The following CACNB4 variants were observed in gnomAD, a reference collection of about 807,000 sequenced individuals.
The protein encoded by CACNB4 is voltage-dependent L-type calcium channel subunit beta-4.
Under a neutral mutation model 71.2 loss-of-function variants are expected in CACNB4, and 32 were observed. That is an observed-to-expected ratio of 0.45 (90% confidence interval 0.34 to 0.60). The LOEUF (loss-of-function observed/expected upper bound fraction) is 0.60, where lower values mean the gene tolerates loss of function less well. Among genes scored for constraint, CACNB4 ranks in the 20% least tolerant of loss-of-function variants. The pLI, the probability that CACNB4 is intolerant of heterozygous loss-of-function variation, is 0.01. For synonymous variants in CACNB4, 231 were observed against 236.9 expected (o/e 0.97, Z 0.23); for missense variants, 464 against 647.9 (o/e 0.72, Z 3.08).
At position 151,839,095 on chromosome 2, in the gene CACNB4, T is replaced by C; in HGVS notation, c.*24A>G. On this transcript the variant is annotated 3_prime_UTR_variant, in exon 14 of 14. Transcript: ENST00000539935. ...ACTGCTATGGCAAATTGTCAACAGA[T>C]GAATATTTTTTGTTTCATTAGACTC... The C allele has an allele frequency of 1.3e-6, 2 of 1,596,268 alleles. No individual in the cohort carries two copies. Among genetic ancestry groups the C allele is most frequent in the East Asian group, 2.2e-5 (1 of 44,620 alleles).
intron 2 of CACNB4, among the ~76,000 whole-genome samples, chr2:151,891,048 G>A (rs1198795031): frequency 6.6e-6 from 1 of 152,092 alleles, no homozygotes; most frequent in African/African-American, 2.4e-5. Context: ...CTAAAGCACA[G>A]GCTTTGAATA....
At chr2:151,975,262 T>G (rs1222826059) in intron 2 of CACNB4, among the ~76,000 whole-genome samples, 1 of 152,126 alleles carries the variant, frequency 6.6e-6, no homozygotes, top group Non-Finnish European at 1.5e-5. Flanking sequence ...CCAGCCAGTA[T>G]CTCTGAAAAG....
Position 152,098,535 on chromosome 2 carries a change from C to G in CACNB4, c.64-122G>C. 1 of 1,364,808 alleles carries G rather than the reference C, an allele frequency of 7.3e-7. No homozygotes were observed. The highest frequency in any genetic ancestry group is 1.0e-6 in the Non-Finnish European group (1 of 965,872). 84.5% of individuals were successfully genotyped at this position (1,364,808 alleles called of 1,614,324 possible). A position where few individuals can be genotyped will look rare whatever the true frequency, so the allele number is the denominator to read the frequency against. ...CCCTGGGGTCCCCTAGAGCCCGCAC[C>G]CAAGTCTCCTCCGCGACTCCCAAAT... On this transcript the variant is annotated intron_variant, in intron 1 of 13. Transcript: ENST00000539935. The surrounding 1 kb of genome is among the most constrained non-coding windows in gnomAD (Gnocchi z 5.3).
intron 11 of CACNB4, chr2:151,855,013 G>T (rs958376811): frequency 2.6e-5 from 10 of 385,940 alleles, no homozygotes; most frequent in Admixed American, 2.1e-4. Context: ...GTCTTGTTTG[G>T]GATCTACAAT....
chr2:151,959,347 A>G lies in CACNB4; in HGVS notation c.148-75977T>C, dbSNP rs180751258. On this transcript the variant is annotated intron_variant, in intron 2 of 13. Transcript: ENST00000539935. ...TGGAAATTCAAATACCCTAAGAATC[A>G]GATGAATCACAGCTGACAAAATTCT... 7.8e-4 allele frequency among the ~76,000 whole-genome samples: 119 copies of G among 152,350 alleles called. 1 individual carries two copies. The highest frequency in any genetic ancestry group is 6.0e-3 in the East Asian group (31 of 5,194).
chr2:151,909,526 G>A (rs999248496), intron 2 of CACNB4, among the ~76,000 whole-genome samples: 15 of 151,598 alleles, frequency 9.9e-5, no homozygotes, highest in Non-Finnish European at 1.8e-4. Flanking sequence ...GTGCCATGGT[G>A]GTTTGCTGCA....
chr2:152,062,648 C>T lies in CACNB4; in HGVS notation c.147+35682G>A, dbSNP rs547009715. Among the ~76,000 whole-genome samples, 128 of 152,226 alleles carry T rather than the reference C, an allele frequency of 8.4e-4. 1 individual carries two copies. The highest frequency in any genetic ancestry group is 2.9e-3 in the African/African-American group (122 of 41,534). On this transcript the variant is annotated intron_variant, in intron 2 of 13. Transcript: ENST00000539935. The stretch of plus-strand genomic sequence containing the variant: ...AAGCAGCTCTTCACGGAGCACTGAA[C>T]GTGGAACGGCTCTCTTTCCACCAGC...
At chr2:151,955,017 C>G (rs555627952) in intron 2 of CACNB4, among the ~76,000 whole-genome samples, 5 of 152,094 alleles carry the variant, frequency 3.3e-5, no homozygotes, top group African/African-American at 7.2e-5. Flanking sequence ...CGATGCCCAG[C>G]TAATTTTTTT....
intron 2 of CACNB4, among the ~76,000 whole-genome samples, chr2:152,065,387 G>GAA (rs35453162): frequency 1.1e-3 from 148 of 129,772 alleles, no homozygotes; most frequent in African/African-American, 4.5e-3. Context: ...CATCTCAAAA[G>GAA]AAAAAAAAAA....
At chr2:152,088,140 A>AAC (rs55688548) in intron 2 of CACNB4, among the ~76,000 whole-genome samples, 57,690 of 136,706 alleles carry the variant, frequency 0.42, 12,552 homozygotes, top group East Asian at 0.57. Flanking sequence ...TTCCCCACTT[A>AAC]ACACACACAC....
rs1054921749 is a variant in CACNB4, at chr2:151,834,085, C to T, written c.*5034G>A. 2.0e-5 allele frequency: 3 copies of T among 151,952 alleles called. No homozygotes were observed. Among genetic ancestry groups the T allele is most frequent in the Non-Finnish European group, 2.9e-5 (2 of 67,890 alleles). The allele number at this position is 151,952 out of a possible 1,614,324, so 9.4% of individuals were successfully genotyped here. A position where few individuals can be genotyped will look rare whatever the true frequency, so the allele number is the denominator to read the frequency against. On this transcript the variant is annotated 3_prime_UTR_variant, in exon 14 of 14. Coordinates refer to ENST00000539935, the MANE Select transcript of CACNB4 (RefSeq NM_000726.5). ...GCATGCAAGTAGGGCAAGGGTGGCC[C>T]CTACATAAATATAGACATAGCCATT...
chr2:151,900,323 C>A (rs2099853055), intron 2 of CACNB4, among the ~76,000 whole-genome samples: 1 of 152,122 alleles, frequency 6.6e-6, no homozygotes. Flanking sequence ...TTTGGAGTTG[C>A]AAAAAGGCAG....
chr2:151,937,488 T>A (rs2099863199), intron 2 of CACNB4, among the ~76,000 whole-genome samples: 1 of 152,226 alleles, frequency 6.6e-6, no homozygotes, highest in South Asian at 2.1e-4. Flanking sequence ...AAGGAAGCCC[T>A]TCTCAGTTTA....
At chr2:152,065,802 G>A (rs1472302953) in intron 2 of CACNB4, among the ~76,000 whole-genome samples, 1 of 152,150 alleles carries the variant, frequency 6.6e-6, no homozygotes, top group Non-Finnish European at 1.5e-5. Context: ...AGGCTGGAAT[G>A]CACTGGTGCA....
chr2:152,043,929 G>T (rs1685005610), intron 2 of CACNB4, among the ~76,000 whole-genome samples: 1 of 152,020 alleles, frequency 6.6e-6, no homozygotes, highest in South Asian at 2.1e-4. Context: ...AAAAGAGCCG[G>T]GCTTGATGGC....
chr2:151,929,477 C>A (rs1038525814), intron 2 of CACNB4, among the ~76,000 whole-genome samples: 1 of 152,138 alleles, frequency 6.6e-6, no homozygotes, highest in Admixed American at 6.6e-5. Flanking sequence ...GGGTTATAAC[C>A]TGCAGTTTGA....
At chr2:152,039,440 A>G (rs1430348804) in intron 2 of CACNB4, among the ~76,000 whole-genome samples, 2 of 151,470 alleles carry the variant, frequency 1.3e-5, no homozygotes, top group Non-Finnish European at 2.9e-5. Context: ...GAATCTTACT[A>G]TTCCCTCAAT....
At chr2:152,051,824 C>G (rs1560163443) in intron 2 of CACNB4, among the ~76,000 whole-genome samples, 1 of 152,226 alleles carries the variant, frequency 6.6e-6, no homozygotes, top group Non-Finnish European at 1.5e-5. Flanking sequence ...TCCACTCCCC[C>G]GACCTTGGCA....
chr2:151,843,736 G>A (rs541505161), intron 12 of CACNB4, among the ~76,000 whole-genome samples: 19 of 152,122 alleles, frequency 1.2e-4, no homozygotes, highest in East Asian at 7.7e-4. Context: ...CACTGCCATC[G>A]GCACTGATAA....
Sources: gnomAD v4.1 joint callset for allele counts (sites outside exome capture counted in the v4.1 genomes callset) on GRCh38, gnomAD v4.1.1 for gene constraint, Gnocchi (gnomAD v3.1) non-coding constraint, MANE v1.5 for transcripts, NCBI Gene and HGNC (gene_info 2026-07-23, HGNC 2026-07-21) for gene names.